The following INVS variants were observed in gnomAD, a reference collection of about 807,000 sequenced individuals.
INVS encodes the protein inversin.
INVS carries 86 observed loss-of-function variants against 108.8 expected under a neutral mutation model. The observed-to-expected ratio is 0.79, with a 90% CI of 0.66 to 0.95. The LOEUF (loss-of-function observed/expected upper bound fraction) is 0.95. Among genes scored for constraint, INVS ranks in the 40% least tolerant of loss-of-function variants. INVS has a pLI of 0.00. For missense variants in INVS, 1,169 were observed against 1,297.4 expected, an observed-to-expected ratio of 0.90 and a Z score of 1.52; for synonymous variants, 455 against 473.5, an observed-to-expected ratio of 0.96 and a Z score of 0.51.
intron 3 of INVS, among the ~76,000 whole-genome samples, chr9:100,196,380 C>G (rs934454672): frequency 3.3e-5 from 5 of 152,106 alleles, no homozygotes; most frequent in African/African-American, 1.2e-4. Flanking sequence ...ATAAACAACT[C>G]AAGAACATAT....
chr9:100,171,136 T>C (rs1829529963), intron 3 of INVS, among the ~76,000 whole-genome samples: 1 of 152,220 alleles, frequency 6.6e-6, no homozygotes, highest in Non-Finnish European at 1.5e-5. Flanking sequence ...TACAGTCACA[T>C]GCCACATAAT....
intron 3 of INVS, chr9:100,175,260 T>C: frequency 1.6e-6 from 1 of 636,200 alleles, no homozygotes; most frequent in East Asian, 2.9e-5. Context: ...ATGTCTGTGA[T>C]TTGTGGGCCC....
rs1409182378 is a variant in INVS at position 100,176,660 on chromosome 9, T to C, written c.274-49402T>C. The stretch of plus-strand genomic sequence containing the variant: ...CCCAGCTATTTTGTTGTATTTTTAA[T>C]AGACACTGGGTTTCACTATGTTGGC... On this transcript the variant is annotated intron_variant, in intron 3 of 16. Coordinates refer to ENST00000262457, the MANE Select transcript of INVS (RefSeq NM_014425.5). 1.3e-5 allele frequency among the ~76,000 whole-genome samples: 2 copies of C among 151,930 alleles called. 1 individual carries two copies. The highest frequency in any genetic ancestry group is 1.3e-4 in the Admixed American group (2 of 15,218).
intron 2 of INVS, among the ~76,000 whole-genome samples, chr9:100,117,853 G>A (rs1412991415): frequency 1.3e-5 from 2 of 151,974 alleles, no homozygotes; most frequent in Non-Finnish European, 2.9e-5. Context: ...TGAGGGTTTA[G>A]CCCTCGTGAA....
At chr9:100,299,443 T>C (rs1289079032) in intron 16 of INVS, among the ~76,000 whole-genome samples, 1 of 151,986 alleles carries the variant, frequency 6.6e-6, no homozygotes, top group East Asian at 1.9e-4. Context: ...TTGGGCTGTT[T>C]CTCCACATGT....
At chr9:100,123,079 T>C (rs1465030338) in intron 2 of INVS, among the ~76,000 whole-genome samples, 1 of 152,190 alleles carries the variant, frequency 6.6e-6, no homozygotes, top group African/African-American at 2.4e-5. Flanking sequence ...TTATATATGG[T>C]AGAGCTTTTT....
intron 13 of INVS, among the ~76,000 whole-genome samples, chr9:100,288,987 T>C (rs901771887): frequency 6.6e-6 from 1 of 152,204 alleles, no homozygotes; most frequent in South Asian, 2.1e-4. Context: ...AGAATAAAAA[T>C]GTTAAAATAG....
At chr9:100,225,991 C>T (rs887804052) in intron 3 of INVS, 71 bp from the exon 4 acceptor site, 55 of 1,089,790 alleles carry the variant, frequency 5.0e-5, no homozygotes, top group Non-Finnish European at 7.0e-5. Context: ...ATACTTAAAA[C>T]ATTTTAAAAT....
intron 3 of INVS, among the ~76,000 whole-genome samples, chr9:100,194,468 A>G (rs1169563103): frequency 4.6e-5 from 7 of 151,808 alleles, no homozygotes; most frequent in Non-Finnish European, 2.9e-5. Context: ...AGTCTCCTAC[A>G]TAAACAATCG....
At chr9:100,270,838 C>A (rs1832933406) in intron 11 of INVS, among the ~76,000 whole-genome samples, 3 of 148,996 alleles carry the variant, frequency 2.0e-5, no homozygotes, top group African/African-American at 5.0e-5. Flanking sequence ...AGGAGGACTA[C>A]TTGAGCCCAG....
intron 3 of INVS, among the ~76,000 whole-genome samples, chr9:100,137,108 G>A (rs2118932762): frequency 6.6e-6 from 1 of 152,278 alleles, no homozygotes; most frequent in Admixed American, 6.5e-5. Context: ...GAATGAGTAT[G>A]CTATGAACTT....
At chr9:100,221,238 G>C (rs1285701532) in intron 3 of INVS, among the ~76,000 whole-genome samples, 1 of 151,718 alleles carries the variant, frequency 6.6e-6, no homozygotes, top group African/African-American at 2.4e-5. Context: ...ATATTCTCCT[G>C]ATTTTAGCAC....
chr9:100,177,154 C>G (rs1252957183), intron 3 of INVS, among the ~76,000 whole-genome samples: 1 of 152,116 alleles, frequency 6.6e-6, no homozygotes, highest in Non-Finnish European at 1.5e-5. Flanking sequence ...CCTTGGGTGC[C>G]TACACCACCA....
At chr9:100,260,097 C>T (rs1832569067) in intron 10 of INVS, among the ~76,000 whole-genome samples, 1 of 151,682 alleles carries the variant, frequency 6.6e-6, no homozygotes, top group African/African-American at 2.4e-5. Flanking sequence ...GTCTCAAATT[C>T]CTGACCTTGT....
chr9:100,228,901 C>A (rs1831422375), intron 4 of INVS, among the ~76,000 whole-genome samples: 1 of 152,180 alleles, frequency 6.6e-6, no homozygotes, highest in South Asian at 2.1e-4. Flanking sequence ...CTTGAAACTG[C>A]GGATAGTGTC....
intron 2 of INVS, among the ~76,000 whole-genome samples, chr9:100,123,607 C>T (rs117525260): frequency 0.02 from 3,020 of 152,168 alleles, 47 homozygotes; most frequent in Non-Finnish European, 0.033. Context: ...CATATGTCTT[C>T]GTTTCTCTTG....
intron 3 of INVS, chr9:100,130,162 T>C (rs1828013285): frequency 6.5e-6 from 1 of 152,852 alleles, no homozygotes; most frequent in East Asian, 1.9e-4. Context: ...TATGGATAAC[T>C]AATTTTCCCA....
chr9:100,224,766 C>G (rs1831258059), intron 3 of INVS, among the ~76,000 whole-genome samples: 1 of 152,078 alleles, frequency 6.6e-6, no homozygotes, highest in Non-Finnish European at 1.5e-5. Flanking sequence ...CAGGCGCCTG[C>G]CACCACGCCT....
At chr9:100,277,647 C>T (rs1287044833) in intron 12 of INVS, among the ~76,000 whole-genome samples, 1 of 152,090 alleles carries the variant, frequency 6.6e-6, no homozygotes, top group Non-Finnish European at 1.5e-5. Context: ...AAGACAAAAA[C>T]CACTGGACTA....
Sources: allele counts gnomAD v4.1 joint callset (sites outside exome capture counted in the v4.1 genomes callset), GRCh38; gene constraint gnomAD v4.1.1; transcripts MANE v1.5; gene names NCBI Gene and HGNC (gene_info 2026-07-23, HGNC 2026-07-21).